OSBPL3: variants seen among roughly 807,000 people sequenced by gnomAD.
The protein encoded by OSBPL3 is oxysterol binding protein like 3.
In OSBPL3, 65 loss-of-function variants were observed where a neutral mutation model predicts 120.1. The observed-to-expected ratio is 0.54, with a 90% CI of 0.44 to 0.67. OSBPL3 has a LOEUF of 0.67. OSBPL3 is among the 30% of genes least tolerant of loss of function. The probability of loss-of-function intolerance (pLI) is 0.00; values close to 1 mark genes in which losing one functional copy is unlikely to be tolerated. For missense variants in OSBPL3, 1,004 were observed against 1,082.1 expected (o/e 0.93, Z 1.01); for synonymous variants, 416 against 402.6 (o/e 1.03, Z -0.40).
chr7:24,912,779 G>A lies in OSBPL3; in HGVS notation c.-149-20158C>T, dbSNP rs111749737. The stretch of plus-strand genomic sequence containing the variant: ...CACATGCTCCTCTAACAAAGTGACC[G>A]TGACACTTCTTCATCAATAGATGGC... On this transcript the variant is annotated intron_variant, in intron 1 of 22. Transcript: ENST00000313367. This position sits in a 1 kb window ranked among gnomAD's most constrained non-coding sequence, Gnocchi z 4.5. 1.4e-4 allele frequency among the ~76,000 whole-genome samples: 22 copies of A among 152,312 alleles called. No individual in the cohort carries two copies. The highest frequency in any genetic ancestry group is 5.1e-4 in the African/African-American group (21 of 41,566).
chr7:24,848,580 T>A (rs905442638), intron 12 of OSBPL3, among the ~76,000 whole-genome samples: 1 of 151,984 alleles, frequency 6.6e-6, no homozygotes, highest in Non-Finnish European at 1.5e-5. Context: ...TAATGAAGTA[T>A]TTTTTTTCCC....
chr7:24,809,825 C>A lies in OSBPL3; in HGVS notation c.2299G>T (p.Ala767Ser). Residue 767 changes from alanine (A) to serine (S), a missense_variant, in exon 20 of 23, where the codon GCC (alanine) becomes TCC (serine). Physicochemically the swap from Ala to Ser is moderately conservative, Grantham distance 99. Around this residue, in one of 4 missense-constraint regions of OSBPL3, gnomAD observed 473 missense variants for 568.0 expected, o/e 0.83. Coordinates refer to ENST00000313367, the MANE Select transcript of OSBPL3 (RefSeq NM_015550.4). ...SIYCGGGSSS[A>S]CVWRANPMPK... ...CACTCACTTGCTCTCCATACACAGG[C>A]AGAAGAGGAGCCGCCGCCACAGTAG... 1.2e-6 allele frequency: 2 copies of A among 1,614,120 alleles called. No homozygotes were observed. The highest frequency in any genetic ancestry group is 2.2e-5 in the South Asian group (2 of 91,082).
At position 24,806,877 on chromosome 7, in the gene OSBPL3, T is replaced by C. The variant is rs745955692; in HGVS notation, c.2343A>G (p.Gln781=). The C allele has an allele frequency of 2.4e-5, 38 of 1,613,370 alleles. No homozygotes were observed. Among genetic ancestry groups the C allele is most frequent in the Non-Finnish European group, 2.9e-5 (34 of 1,179,682 alleles). Residue 781 remains glutamine, a synonymous_variant, in exon 21 of 23, where the codon CAA becomes CAG. Coordinates refer to ENST00000313367, the MANE Select transcript of OSBPL3 (RefSeq NM_015550.4). This position sits in a 1 kb window ranked among gnomAD's most constrained non-coding sequence, Gnocchi z 5.2. The part of the protein sequence containing the change: ...RANPMPKGYE[Q]YYSFTQFALE... ...GCGCAAACTGTGTGAAGCTATAGTA[T>C]TGCTCGTAGCCTTTCGGCATAGGAT... is the stretch of plus-strand genomic sequence containing the variant.
At position 24,879,655 on chromosome 7, in the gene OSBPL3, T is replaced by C. The variant is rs117551284; in HGVS notation, c.97-7586A>G. 0.015 allele frequency among the ~76,000 whole-genome samples: 2,291 copies of C among 152,334 alleles called. 60 individuals carry two copies. The highest frequency in any genetic ancestry group is 0.049 in the African/African-American group (2,037 of 41,574). ...GCAGCTGATACTGACAACAAGGAGA[T>C]AAAATCCTGTGGGCTGCCAGCTCTG... On this transcript the variant is annotated intron_variant, in intron 2 of 22. Transcript: ENST00000313367. This position sits in a 1 kb window ranked among gnomAD's most constrained non-coding sequence, Gnocchi z 5.6.
At chr7:24,934,485 T>A (rs1193422644) in intron 1 of OSBPL3, among the ~76,000 whole-genome samples, 1 of 152,164 alleles carries the variant, frequency 6.6e-6, no homozygotes, top group African/African-American at 2.4e-5. Context: ...CTGCATGTGT[T>A]ATCAAAAACA....
chr7:24,949,878 T>G (rs1563002925), intron 1 of OSBPL3, among the ~76,000 whole-genome samples: 1 of 152,192 alleles, frequency 6.6e-6, no homozygotes, highest in Non-Finnish European at 1.5e-5. Flanking sequence ...ACCTCCCAAA[T>G]AAATTATTTG....
intron 1 of OSBPL3, among the ~76,000 whole-genome samples, chr7:24,909,682 T>G (rs899379963): frequency 6.6e-6 from 1 of 151,816 alleles, no homozygotes; most frequent in Non-Finnish European, 1.5e-5. Flanking sequence ...CAATCACCTC[T>G]GTCCTGGCCA....
Position 24,834,143 on chromosome 7 carries a change from A to T in OSBPL3, c.1746+343T>A. ...ATTCTGTCCACCCAGGGAAGTAAAA[A>T]TAAACATGCAGACAGCCCTAAAGAC... On this transcript the variant is annotated intron_variant, in intron 15 of 22. Transcript: ENST00000313367. This position sits in a 1 kb window ranked among gnomAD's most constrained non-coding sequence, Gnocchi z 5.2. 1 of 1,022,278 alleles carries T rather than the reference A, an allele frequency of 9.8e-7. No individual in the cohort carries two copies. Among genetic ancestry groups the T allele is most frequent in the Non-Finnish European group, 1.2e-6 (1 of 846,516 alleles). 63.3% of individuals were successfully genotyped at this position (1,022,278 alleles called of 1,614,324 possible). A position where few individuals can be genotyped will look rare whatever the true frequency, so the allele number is the denominator to read the frequency against.
intron 1 of OSBPL3, among the ~76,000 whole-genome samples, chr7:24,970,695 C>T (rs1584764539): frequency 6.6e-6 from 1 of 152,180 alleles, no homozygotes; most frequent in African/African-American, 2.4e-5. Context: ...CATTTGCCTG[C>T]TCCCTACTTC....
rs557415548 is a variant in OSBPL3, at chr7:24,940,359, G to T, written c.-150+39527C>A. ...TGAATCCTATAGAAGATCAGGAGGT[G>T]TAGAAATTACTGGTACCAATGACAG... On this transcript the variant is annotated intron_variant, in intron 1 of 22. Coordinates refer to ENST00000313367, the MANE Select transcript of OSBPL3 (RefSeq NM_015550.4). The surrounding 1 kb of genome is among the most constrained non-coding windows in gnomAD (Gnocchi z 4.4). Among the ~76,000 whole-genome samples the T allele has an allele frequency of 6.6e-6, 1 of 152,200 alleles. No homozygotes were observed. Among genetic ancestry groups the T allele is most frequent in the Non-Finnish European group, 1.5e-5 (1 of 68,034 alleles).
intron 5 of OSBPL3, among the ~76,000 whole-genome samples, chr7:24,870,021 C>A (rs1801882957): frequency 6.6e-6 from 1 of 152,204 alleles, no homozygotes; most frequent in Non-Finnish European, 1.5e-5. Context: ...CTGGGCCAGG[C>A]ACTATACCAA....
In OSBPL3 at chr7:24,804,337, C is replaced by G; in HGVS notation, c.2545G>C (p.Glu849Gln). 1 of 1,614,152 alleles carries G rather than the reference C, an allele frequency of 6.2e-7. No homozygotes were observed. The highest frequency in any genetic ancestry group is 8.5e-7 in the Non-Finnish European group (1 of 1,180,024). ...AACCTGAAAAACCGAGGCTGGTGCTCCACATGATTTTCTTCTAAGACCCGC... is the reference window on the plus strand; with the variant it reads ...AACCTGAAAAACCGAGGCTGGTGCTGCACATGATTTTCTTCTAAGACCCGC... ...RRRVLEENHV[E>Q]HQPRFFRKSD... The change falls in exon 22 of 23, where the codon GAG (glutamate) becomes CAG (glutamine). Residue 849 changes from glutamate (E) to glutamine (Q), a missense_variant. Transcript: ENST00000313367. This position sits in a 1 kb window ranked among gnomAD's most constrained non-coding sequence, Gnocchi z 5.4.
chr7:24,890,450 A>G (rs6977159), intron 2 of OSBPL3, among the ~76,000 whole-genome samples: 61,190 of 151,946 alleles, frequency 0.4, 12,421 homozygotes, highest in East Asian at 0.42. Context: ...ACTGAAGCAC[A>G]ATCTTGGGCC....
At chr7:24,926,565 A>G (rs911984550) in intron 1 of OSBPL3, among the ~76,000 whole-genome samples, 6 of 152,176 alleles carry the variant, frequency 3.9e-5, no homozygotes, top group African/African-American at 1.4e-4. Context: ...ATCCACTTGC[A>G]GTTCTCTACA....
At chr7:24,876,166 T>C (rs533496430) in intron 2 of OSBPL3, among the ~76,000 whole-genome samples, 1 of 152,332 alleles carries the variant, frequency 6.6e-6, no homozygotes, top group African/African-American at 2.4e-5. Context: ...TGTCCTGTCC[T>C]TCATGCAATA....
In OSBPL3 at chr7:24,830,627, CCT is replaced by C; in HGVS notation, c.1884+139_1884+140del. ...GGCTTCAGTGGAAGGGAAATCGATC[CCT>C]CCCTTTATGTTGAAAAGCACTGTAA... On this transcript the variant is annotated intron_variant, in intron 16 of 22. Transcript: ENST00000313367. The surrounding 1 kb of genome is among the most constrained non-coding windows in gnomAD (Gnocchi z 4.4). 1.2e-6 allele frequency: 1 copy of C among 835,378 alleles called. No homozygotes were observed. 51.7% of individuals were successfully genotyped at this position (835,378 alleles called of 1,614,324 possible). A position where few individuals can be genotyped will look rare whatever the true frequency, so the allele number is the denominator to read the frequency against.
rs1012426773 is a variant in OSBPL3, at chr7:24,820,868, A to T, written c.1885-630T>A. Among the ~76,000 whole-genome samples the T allele has an allele frequency of 3.9e-5, 6 of 152,052 alleles. No individual in the cohort carries two copies. Among genetic ancestry groups the T allele is most frequent in the African/African-American group, 1.5e-4 (6 of 41,376 alleles). On this transcript the variant is annotated intron_variant, in intron 16 of 22. Transcript: ENST00000313367. This position sits in a 1 kb window ranked among gnomAD's most constrained non-coding sequence, Gnocchi z 4.6. ...GTTGAGGAAATGTTAGTCAACTGTT[A>T]AGAAATTTTATTTATTTTTGGTCTA...
chr7:24,970,131 A>T (rs1816843875), intron 1 of OSBPL3, among the ~76,000 whole-genome samples: 4 of 102,770 alleles, frequency 3.9e-5, no homozygotes, highest in South Asian at 3.3e-4. Flanking sequence ...TTTTTTTGAG[A>T]CGGTGTCTCG....
At chr7:24,859,684 A>G (rs1230530258) in intron 10 of OSBPL3, among the ~76,000 whole-genome samples, 1 of 152,196 alleles carries the variant, frequency 6.6e-6, no homozygotes, top group Non-Finnish European at 1.5e-5. Context: ...CTGTTATTTT[A>G]TCTAAGTCTC....
Sources: gnomAD v4.1 joint callset for allele counts (sites outside exome capture counted in the v4.1 genomes callset) on GRCh38, gnomAD v4.1.1 for gene constraint, gnomAD v4.1.1 regional missense constraint, Gnocchi (gnomAD v3.1) non-coding constraint, MANE v1.5 for transcripts, NCBI Gene and HGNC (gene_info 2026-07-23, HGNC 2026-07-21) for gene names.